Variants in NAV1 observed in about 807,000 individuals in gnomAD.
NAV1 encodes neuron navigator 1.
Under a neutral mutation model 175.2 loss-of-function variants are expected in NAV1, and 18 were observed. The ratio of observed to expected loss-of-function variants is 0.10; its 90% CI spans 0.07 to 0.15. NAV1 has a LOEUF of 0.15. Ranked by LOEUF, NAV1 falls within the 10% of genes least tolerant of loss-of-function variation. NAV1 has a pLI of 1.00. For missense variants in NAV1, 1,731 were observed against 2,436.6 expected (o/e 0.71, Z 6.10); for synonymous variants, 897 against 978.7 (o/e 0.92, Z 1.56).
intron 1 of NAV1, among the ~76,000 whole-genome samples, chr1:201,672,177 T>C (rs148077659): frequency 2.8e-3 from 420 of 152,350 alleles, no homozygotes; most frequent in African/African-American, 8.7e-3. Context: ...AAGTCAGAAA[T>C]ACATTTTTCA....
intron 1 of NAV1, among the ~76,000 whole-genome samples, chr1:201,566,349 C>T (rs1666356081): frequency 6.6e-6 from 1 of 152,118 alleles, no homozygotes; most frequent in African/African-American, 2.4e-5. Context: ...CCACTGTCAC[C>T]CACCCCTGGT....
In NAV1 at chr1:201,755,811, T is replaced by TA. The variant is rs535409946; in HGVS notation, c.1227-24603dup. On this transcript the variant is annotated intron_variant, in intron 3 of 29. Transcript: ENST00000367296. ...GAGGCTCCTAGAAGAAACACAGCTT[T>TA]AAAAAAAGTTGTGGGCTGGGCACGG... Among the ~76,000 whole-genome samples the TA allele has an allele frequency of 3.2e-3, 492 of 152,100 alleles. 4 individuals carry two copies. Among genetic ancestry groups the TA allele is most frequent in the African/African-American group, 0.011 (464 of 41,492 alleles).
intron 1 of NAV1, among the ~76,000 whole-genome samples, chr1:201,669,046 C>A (rs951068639): frequency 1.3e-5 from 2 of 152,148 alleles, no homozygotes; most frequent in African/African-American, 4.8e-5. Context: ...AGCTTTGGGA[C>A]CCTGTGTAGC....
At chr1:201,631,772 C>T (rs1343256866) in intron 2 of NAV1, among the ~76,000 whole-genome samples, 2 of 152,220 alleles carry the variant, frequency 1.3e-5, no homozygotes, top group African/African-American at 4.8e-5. Flanking sequence ...CAGAATCCAG[C>T]ATAGTTATTT....
chr1:201,650,073 C>T (rs1476807993), intron 1 of NAV1, among the ~76,000 whole-genome samples: 1 of 152,260 alleles, frequency 6.6e-6, no homozygotes, highest in Non-Finnish European at 1.5e-5. Flanking sequence ...AACCCCTACA[C>T]CCGCAGGTCT....
intron 1 of NAV1, among the ~76,000 whole-genome samples, chr1:201,711,743 T>TA (rs1471972525): frequency 2.6e-5 from 4 of 152,344 alleles, no homozygotes; most frequent in African/African-American, 9.6e-5. Context: ...GACTTTAGGT[T>TA]CCAAAATGAA....
At chr1:201,594,621 G>A (rs1248959165) in intron 2 of NAV1, among the ~76,000 whole-genome samples, 1 of 152,248 alleles carries the variant, frequency 6.6e-6, no homozygotes, top group East Asian at 1.9e-4. Context: ...AGGCAGCAAA[G>A]TAGCATTATC....
At chr1:201,546,105 G>T (rs1011861546) in intron 1 of NAV1, among the ~76,000 whole-genome samples, 1 of 152,158 alleles carries the variant, frequency 6.6e-6, no homozygotes, top group African/African-American at 2.4e-5. Context: ...ACGGTTAGGG[G>T]GCCCCAGCCA....
At chr1:201,783,311 C>A in intron 6 of NAV1, 95 bp from the exon 11 acceptor site, 1 of 1,257,930 alleles carries the variant, frequency 7.9e-7, no homozygotes, top group Non-Finnish European at 1.1e-6. Flanking sequence ...AGCAAATAGG[C>A]AGAAAACAAG....
upstream of NAV1, among the ~76,000 whole-genome samples, chr1:201,620,354 C>G (rs919370046): frequency 3.3e-5 from 5 of 151,406 alleles, no homozygotes; most frequent in Admixed American, 6.6e-5. Flanking sequence ...TGAGTATTTT[C>G]ATTGTACATA....
exon 30 of NAV1, chr1:201,826,332 A>C (rs1247142093): frequency 6.6e-6 from 1 of 152,212 alleles, no homozygotes; most frequent in East Asian, 1.9e-4. Flanking sequence ...AGATGATATC[A>C]AGGCAGAGCT....
At chr1:201,700,885 C>G (rs985269760) in intron 1 of NAV1, among the ~76,000 whole-genome samples, 3 of 151,478 alleles carry the variant, frequency 2.0e-5, no homozygotes, top group Non-Finnish European at 2.9e-5. Flanking sequence ...GTGGCAGGCG[C>G]CTGTAGTCCC....
At chr1:201,771,273 G>A (rs1675567085) in intron 3 of NAV1, among the ~76,000 whole-genome samples, 1 of 150,854 alleles carries the variant, frequency 6.6e-6, no homozygotes, top group Non-Finnish European at 1.5e-5. Flanking sequence ...TGATTTGGGA[G>A]GCTGAAGCAG....
chr1:201,593,097 T>G (rs1207000988), intron 2 of NAV1, among the ~76,000 whole-genome samples: 1 of 152,076 alleles, frequency 6.6e-6, no homozygotes, highest in Non-Finnish European at 1.5e-5. Flanking sequence ...ATCTGGCAGG[T>G]GGAAGTTTTG....
chr1:201,610,960 C>A (rs552033160), intron 2 of NAV1, among the ~76,000 whole-genome samples: 7 of 151,938 alleles, frequency 4.6e-5, no homozygotes, highest in East Asian at 1.9e-4. Context: ...CTGGGGGTGG[C>A]GAAGGGGAGG....
intron 29 of NAV1, among the ~76,000 whole-genome samples, chr1:201,817,790 G>GACT (rs1679147922): frequency 6.6e-6 from 1 of 152,190 alleles, no homozygotes; most frequent in African/African-American, 2.4e-5. Context: ...CTATCCTGAA[G>GACT]ACTACTTCAG....
intron 15 of NAV1, among the ~76,000 whole-genome samples, chr1:201,802,474 A>AG: frequency 2.4e-5 from 1 of 41,630 alleles, no homozygotes; most frequent in South Asian, 1.6e-3. Flanking sequence ...AAAAAAAAAA[A>AG]AAGAAAGAAA....
intron 1 of NAV1, among the ~76,000 whole-genome samples, chr1:201,559,378 G>A (rs1190120222): frequency 6.6e-6 from 1 of 152,116 alleles, no homozygotes; most frequent in African/African-American, 2.4e-5. Flanking sequence ...CTGGAGACTC[G>A]CACATAAACC....
chr1:201,789,631 C>T, intron 10 of NAV1, 109 bp from the exon 15 acceptor site: 4 of 1,011,054 alleles, frequency 4.0e-6, no homozygotes, highest in Non-Finnish European at 6.3e-6. Flanking sequence ...TCTGTTTGCT[C>T]CAGATGCCCT....
Sources: allele counts gnomAD v4.1 joint callset (sites outside exome capture counted in the v4.1 genomes callset), GRCh38; gene constraint gnomAD v4.1.1; transcripts MANE v1.5; gene names NCBI Gene and HGNC (gene_info 2026-07-23, HGNC 2026-07-21).